The following DCDC1 variants were observed in gnomAD, a reference collection of about 807,000 sequenced individuals.
DCDC1 encodes doublecortin domain containing 1.
A neutral mutation model predicts 178.3 loss-of-function variants in DCDC1; 200 were observed. The ratio of observed to expected loss-of-function variants is 1.12; its 90% CI spans 1.00 to 1.26. The LOEUF (loss-of-function observed/expected upper bound fraction) is 1.26. Among genes scored for constraint, DCDC1 ranks in the 50% most tolerant of loss-of-function variants. The probability of loss-of-function intolerance (pLI) is 0.00; values close to 1 mark genes in which losing one functional copy is unlikely to be tolerated. For missense variants in DCDC1, 1,983 were observed against 1,749.2 expected (o/e 1.13, Z -2.38); for synonymous variants, 690 against 604.8 (o/e 1.14, Z -2.07).
chr11:30,974,713 T>C (rs527459584), intron 20 of DCDC1, among the ~76,000 whole-genome samples: 2 of 152,184 alleles, frequency 1.3e-5, no homozygotes, highest in South Asian at 4.1e-4. Context: ...TTTCAATCAG[T>C]AACAAAAAGT....
chr11:30,993,121 T>A (rs1951078686), intron 20 of DCDC1, among the ~76,000 whole-genome samples: 1 of 152,108 alleles, frequency 6.6e-6, no homozygotes, highest in African/African-American at 2.4e-5. Flanking sequence ...ATATAGCAAA[T>A]GTTGAAAACT....
rs10640581 is a variant in DCDC1 at position 31,250,385 on chromosome 11, T to TACACACACACACACACACACAC, written c.1055-8791_1055-8770dup. On this transcript the variant is annotated intron_variant, in intron 8 of 38. Coordinates refer to ENST00000684477, the MANE Select transcript of DCDC1 (RefSeq NM_001387274.1). Reference sequence around the variant, plus strand: ...TATGAAAGGAATCAGAGTGAATGAATACACACACACACACACACACACACA... The same window carrying TACACACACACACACACACACAC: ...TATGAAAGGAATCAGAGTGAATGAATACACACACACACACACACACACACACACACACACACACACACACACA... Among the ~76,000 whole-genome samples the TACACACACACACACACACACAC allele has an allele frequency of 2.8e-4, 26 of 92,764 alleles. 2 individuals carry two copies. Among genetic ancestry groups the TACACACACACACACACACACAC allele is most frequent in the South Asian group, 1.8e-3 (4 of 2,234 alleles). 60.9% of individuals were successfully genotyped at this position (92,764 alleles called of 152,430 possible). A position where few individuals can be genotyped will look rare whatever the true frequency, so the allele number is the denominator to read the frequency against.
intron 9 of DCDC1, among the ~76,000 whole-genome samples, chr11:31,199,417 C>A (rs957610268): frequency 1.3e-5 from 2 of 152,002 alleles, no homozygotes; most frequent in African/African-American, 2.4e-5. Context: ...ATAATGAGTC[C>A]AAAAGCTTGT....
At chr11:30,925,543 C>T (rs987975088) in intron 22 of DCDC1, 135 bp from the exon 23 acceptor site, 4 of 750,416 alleles carry the variant, frequency 5.3e-6, no homozygotes, top group Middle Eastern at 2.4e-4. Flanking sequence ...GAGCTGGACT[C>T]TGGGGCCCAT....
At chr11:30,903,438 C>A in intron 32 of DCDC1, 44 bp downstream of exon 32, 1 of 1,446,444 alleles carries the variant, frequency 6.9e-7, no homozygotes, top group South Asian at 1.5e-5. Flanking sequence ...TTTTCATGAT[C>A]AAGCATAAGT....
intron 20 of DCDC1, among the ~76,000 whole-genome samples, chr11:30,954,863 T>C (rs1219970241): frequency 6.6e-6 from 1 of 152,238 alleles, no homozygotes; most frequent in East Asian, 1.9e-4. Flanking sequence ...AATTACAAAT[T>C]CATTATCTGA....
intron 9 of DCDC1, among the ~76,000 whole-genome samples, chr11:31,211,804 C>T (rs441975): frequency 0.3 from 45,674 of 151,932 alleles, 8,315 homozygotes; most frequent in East Asian, 0.63. Flanking sequence ...GCTAAGCAGC[C>T]GGGCGCAGTG....
chr11:30,991,075 G>T (rs2134922812), intron 20 of DCDC1, among the ~76,000 whole-genome samples: 1 of 152,278 alleles, frequency 6.6e-6, no homozygotes, highest in African/African-American at 2.4e-5. Context: ...TGAGGCAACT[G>T]ACAAACGGGT....
At chr11:31,074,363 T>C (rs1956744958) in intron 18 of DCDC1, among the ~76,000 whole-genome samples, 1 of 152,152 alleles carries the variant, frequency 6.6e-6, no homozygotes, top group Non-Finnish European at 1.5e-5. Context: ...AATTCACATG[T>C]TGAAACTTAA....
intron 20 of DCDC1, among the ~76,000 whole-genome samples, chr11:31,057,913 T>C (rs1228593907): frequency 3.9e-5 from 6 of 152,062 alleles, no homozygotes; most frequent in Admixed American, 3.3e-4. Flanking sequence ...ATCATGCTCT[T>C]TTACCGTAAT....
chr11:30,959,776 T>A (rs1293649672), intron 20 of DCDC1, among the ~76,000 whole-genome samples: 1 of 152,154 alleles, frequency 6.6e-6, no homozygotes, highest in African/African-American at 2.4e-5. Context: ...GAGGAATCAA[T>A]AAATAAATCC....
chr11:31,074,271 C>T (rs376137307), intron 18 of DCDC1, among the ~76,000 whole-genome samples: 4 of 152,070 alleles, frequency 2.6e-5, no homozygotes, highest in African/African-American at 7.2e-5. Flanking sequence ...TTTGGAGTTA[C>T]GGGAAGCTGT....
chr11:31,228,188 T>C (rs1378971094), intron 9 of DCDC1, among the ~76,000 whole-genome samples: 2 of 151,778 alleles, frequency 1.3e-5, no homozygotes, highest in African/African-American at 2.4e-5. Flanking sequence ...ATAAAGTAAA[T>C]CTCAAAAATT....
At chr11:31,088,135 T>A (rs1482243471) in intron 17 of DCDC1, among the ~76,000 whole-genome samples, 3 of 152,076 alleles carry the variant, frequency 2.0e-5, no homozygotes, top group Non-Finnish European at 4.4e-5. Context: ...CCATTCTTAC[T>A]TTCTTTGTAT....
intron 17 of DCDC1, among the ~76,000 whole-genome samples, chr11:31,089,413 G>A (rs1459813695): frequency 6.6e-6 from 1 of 151,926 alleles, no homozygotes. Context: ...CCTTGGTTTT[G>A]TCTCTTCATG....
intron 20 of DCDC1, among the ~76,000 whole-genome samples, chr11:31,020,288 T>A (rs1004874463): frequency 1.3e-5 from 2 of 152,212 alleles, no homozygotes; most frequent in Non-Finnish European, 2.9e-5. Context: ...CACAGATCCT[T>A]TGAAACACTA....
intron 6 of DCDC1, among the ~76,000 whole-genome samples, chr11:31,299,024 C>T (rs1194087735): frequency 6.6e-6 from 1 of 152,186 alleles, no homozygotes; most frequent in African/African-American, 2.4e-5. Context: ...AATACAAATG[C>T]TCCGACAGTA....
At chr11:31,277,423 T>A (rs1485354749) in intron 7 of DCDC1, among the ~76,000 whole-genome samples, 3 of 152,146 alleles carry the variant, frequency 2.0e-5, no homozygotes, top group Non-Finnish European at 4.4e-5. Flanking sequence ...ATGTTATTTA[T>A]CTTGGTATAT....
intron 9 of DCDC1, among the ~76,000 whole-genome samples, chr11:31,187,072 C>T (rs1969590037): frequency 1.3e-5 from 2 of 152,154 alleles, no homozygotes; most frequent in African/African-American, 4.8e-5. Flanking sequence ...TCTTTAACTC[C>T]AGCCTCACTG....
Sources: allele counts gnomAD v4.1 joint callset (sites outside exome capture counted in the v4.1 genomes callset), GRCh38; gene constraint gnomAD v4.1.1; transcripts MANE v1.5; gene names NCBI Gene and HGNC (gene_info 2026-07-23, HGNC 2026-07-21).